VWA5A: variants seen among roughly 807,000 people sequenced by gnomAD.
The protein encoded by VWA5A is von Willebrand factor A domain containing 5A, also known as von Willebrand factor A domain-containing protein 5A.
VWA5A carries 77 observed loss-of-function variants against 84.6 expected under a neutral mutation model. The observed-to-expected ratio is 0.91, with a 90% CI of 0.76 to 1.10. The LOEUF (loss-of-function observed/expected upper bound fraction) is 1.10, where lower values mean the gene tolerates loss of function less well. VWA5A is among the 50% of genes least tolerant of loss of function. The probability of loss-of-function intolerance (pLI) is 0.00; values close to 1 mark genes in which losing one functional copy is unlikely to be tolerated. For missense variants in VWA5A, 973 were observed against 963.0 expected, an observed-to-expected ratio of 1.01 and a Z score of -0.14; for synonymous variants, 334 against 350.1, an observed-to-expected ratio of 0.95 and a Z score of 0.51.
chr11:124,142,405 A>G, intron 16 of VWA5A, 37 bp from the exon 17 acceptor site: 3 of 1,610,752 alleles, frequency 1.9e-6, no homozygotes, highest in Non-Finnish European at 2.5e-6. Context: ...CGATAGCTCC[A>G]CAATTTCTCA....
chr11:124,136,824 T>A (rs969552851), intron 14 of VWA5A, 150 bp downstream of exon 14: 13 of 997,678 alleles, frequency 1.3e-5, no homozygotes, highest in Non-Finnish European at 1.9e-5. Context: ...ATTAGATTTC[T>A]TCTCTTAATT....
rs374525786 is a variant in VWA5A at position 124,136,207 on chromosome 11, T to C, written c.1438T>C (p.Ser480Pro). ...GAGCTGGCATTTGCCTCCTGGTCTG[T>C]CTGCTAAAATGCTTTCCCCAGAACA... Reference protein sequence around the residue: ...SLSWHLPPGLSAKMLSPEQTV... With the variant: ...SLSWHLPPGLPAKMLSPEQTV... Residue 480 changes from serine (S) to proline (P), a missense_variant, in exon 13 of 19, where the codon TCT becomes CCT. Coordinates refer to ENST00000456829, the MANE Select transcript of VWA5A (RefSeq NM_001130142.2). The C allele has an allele frequency of 2.3e-5, 37 of 1,614,216 alleles. No individual in the cohort carries two copies. The African/African-American group carries it at 3.6e-4, about 16-fold the overall frequency.
At chr11:124,116,886 C>G (rs552858814) in intron 2 of VWA5A, among the ~76,000 whole-genome samples, 1 of 152,198 alleles carries the variant, frequency 6.6e-6, no homozygotes, top group East Asian at 1.9e-4. Context: ...AAAAGAAAAG[C>G]CACAAGGTAA....
Position 124,123,017 on chromosome 11 carries a change from A to T in VWA5A, c.818A>T (p.Asp273Val), listed in dbSNP as rs758317411. ...MVSFYPNIPEDQPSNTCGEFI... is the reference protein window; with the variant it reads ...MVSFYPNIPEVQPSNTCGEFI... ...AGTTTCTATCCAAATATCCCAGAAGATCAACCATCAAATACCTGTGGAGAG... is the reference window on the plus strand; with the variant it reads ...AGTTTCTATCCAAATATCCCAGAAGTTCAACCATCAAATACCTGTGGAGAG... The change falls in exon 8 of 19, where the codon GAT (aspartate) becomes GTT (valine). Residue 273 changes from aspartate to valine, a missense_variant. Physicochemically the swap from Asp to Val is radical, Grantham distance 152. Transcript: ENST00000456829. 6.2e-7 allele frequency: 1 copy of T among 1,614,152 alleles called. No homozygotes were observed. The highest frequency in any genetic ancestry group is 1.1e-5 in the South Asian group (1 of 91,084).
intron 11 of VWA5A, among the ~76,000 whole-genome samples, chr11:124,127,332 CA>C (rs1292140592): frequency 1.3e-5 from 2 of 152,154 alleles, no homozygotes; most frequent in Non-Finnish European, 2.9e-5. Flanking sequence ...CGTGTCCCTG[CA>C]AAGGACATGA....
At chr11:124,117,617 C>T in intron 3 of VWA5A, 56 bp from the exon 4 acceptor site, 3 of 1,614,066 alleles carry the variant, frequency 1.9e-6, no homozygotes, top group Non-Finnish European at 2.5e-6. Flanking sequence ...AAGGCTTGAT[C>T]TACAAGGAGG....
At chr11:124,137,830 C>A (rs1014651291) in intron 15 of VWA5A, among the ~76,000 whole-genome samples, 1 of 152,122 alleles carries the variant, frequency 6.6e-6, no homozygotes, top group African/African-American at 2.4e-5. Flanking sequence ...ATTTGCCTAT[C>A]CTGTCTTTAT....
At chr11:124,125,206 C>T (rs1865000427) in intron 11 of VWA5A, among the ~76,000 whole-genome samples, 1 of 151,756 alleles carries the variant, frequency 6.6e-6, no homozygotes, top group Non-Finnish European at 1.5e-5. Flanking sequence ...GTGTTCCAAT[C>T]GCCTAATTTC....
In VWA5A at chr11:124,136,692, C is replaced by T; in HGVS notation, c.1625+18C>T. Reference sequence around the variant, plus strand: ...GATGTCAAGTGAGAATTCAGTTTTCCCTTCCTTCCTTCCTTCCTTCCTTCC... The same window carrying T: ...GATGTCAAGTGAGAATTCAGTTTTCTCTTCCTTCCTTCCTTCCTTCCTTCC... On this transcript the variant is annotated intron_variant, in intron 14 of 18. Coordinates refer to ENST00000456829, the MANE Select transcript of VWA5A (RefSeq NM_001130142.2). The T allele has an allele frequency of 7.6e-6, 2 of 264,132 alleles. No homozygotes were observed. The highest frequency in any genetic ancestry group is 1.3e-5 in the Non-Finnish European group (2 of 150,510). 16.4% of individuals were successfully genotyped at this position (264,132 alleles called of 1,614,324 possible).
At chr11:124,127,369 G>A (rs1865034271) in intron 11 of VWA5A, among the ~76,000 whole-genome samples, 1 of 152,140 alleles carries the variant, frequency 6.6e-6, no homozygotes, top group African/African-American at 2.4e-5. Flanking sequence ...TGGCTGCATA[G>A]TATTCCATGG....
chr11:124,141,447 C>A, intron 15 of VWA5A, 151 bp from the exon 16 acceptor site: 1 of 894,334 alleles, frequency 1.1e-6, no homozygotes, highest in Non-Finnish European at 1.7e-6. Context: ...AGGGTTTGCG[C>A]AGGAGGTGGG....
Position 124,124,251 on chromosome 11 carries a change from A to G in VWA5A, c.1179A>G (p.Thr393=). Residue 393 remains threonine, a synonymous_variant, in exon 11 of 19, where the codon ACA becomes ACG. Transcript: ENST00000456829. ...PGHPLQLFVF[T]DGEVTDTFSV... is the part of the protein sequence containing the mutation. ...TCTTTGTATAGCTTTTTGTCTTTAC[A>G]GATGGAGAAGTTACAGACACGTTTA... is the stretch of plus-strand genomic sequence containing the variant. 6.2e-7 allele frequency: 1 copy of G among 1,613,786 alleles called. No individual in the cohort carries two copies. Among genetic ancestry groups the G allele is most frequent in the Non-Finnish European group, 8.5e-7 (1 of 1,179,854 alleles).
chr11:124,117,312 A>G, intron 2 of VWA5A, 185 bp from the exon 3 acceptor site: 1 of 623,166 alleles, frequency 1.6e-6, no homozygotes, highest in East Asian at 2.8e-5. Context: ...CCCACCTGGG[A>G]CTGCCATTTA....
chr11:124,124,513 C>T, intron 11 of VWA5A, 197 bp downstream of exon 11: 2 of 1,334,692 alleles, frequency 1.5e-6, no homozygotes, highest in South Asian at 4.1e-5. Flanking sequence ...ACAGCAAAAC[C>T]ATTGTTTCTT....
At position 124,141,213 on chromosome 11, in the gene VWA5A, T is replaced by A. The variant is rs192856294; in HGVS notation, c.1880-385T>A. Among the ~76,000 whole-genome samples, 270 of 152,308 alleles carry A rather than the reference T, an allele frequency of 1.8e-3. 2 individuals are homozygous for A. The highest frequency in any genetic ancestry group is 3.0e-3 in the Non-Finnish European group (207 of 68,030). The stretch of plus-strand genomic sequence containing the variant: ...ATGATCTGGATGCAGCATCAGGGAC[T>A]GAAGAGGTTGCCAACCCTACCTCCC... On this transcript the variant is annotated intron_variant, in intron 15 of 18. Coordinates refer to ENST00000456829, the MANE Select transcript of VWA5A (RefSeq NM_001130142.2).
chr11:124,129,938 T>C (rs1477535255), intron 11 of VWA5A, among the ~76,000 whole-genome samples: 1 of 152,238 alleles, frequency 6.6e-6, no homozygotes, highest in Non-Finnish European at 1.5e-5. Flanking sequence ...AGCTCCTGGA[T>C]TCATTGATTT....
chr11:124,139,740 G>A (rs1382235138), intron 15 of VWA5A, among the ~76,000 whole-genome samples: 1 of 151,614 alleles, frequency 6.6e-6, no homozygotes, highest in African/African-American at 2.4e-5. Flanking sequence ...CATGTCATCT[G>A]CAAACAGGTG....
chr11:124,120,868 G>GA (rs1179132274), intron 7 of VWA5A, among the ~76,000 whole-genome samples: 2 of 152,192 alleles, frequency 1.3e-5, no homozygotes, highest in Non-Finnish European at 2.9e-5. Context: ...GGTAAGGATT[G>GA]AGATCTCAGT....
intron 12 of VWA5A, among the ~76,000 whole-genome samples, chr11:124,135,656 G>C (rs7126864): frequency 1.4e-5 from 2 of 140,910 alleles, no homozygotes; most frequent in African/African-American, 5.4e-5. Context: ...TCAGCCTCCT[G>C]AGTAGCTGGG....
Sources: allele counts gnomAD v4.1 joint callset (sites outside exome capture counted in the v4.1 genomes callset), GRCh38; gene constraint gnomAD v4.1.1; transcripts MANE v1.5; gene names NCBI Gene and HGNC (gene_info 2026-07-23, HGNC 2026-07-21).